OXR1: variants seen among roughly 807,000 people sequenced by gnomAD.
OXR1 encodes oxidation resistance protein 1.
OXR1 carries 41 observed loss-of-function variants against 104.6 expected under a neutral mutation model. The observed-to-expected ratio is 0.39, with a 90% CI of 0.31 to 0.51. The LOEUF (loss-of-function observed/expected upper bound fraction) is 0.51, where lower values mean the gene tolerates loss of function less well. Among genes scored for constraint, OXR1 ranks in the 20% least tolerant of loss-of-function variants. The pLI is 0.77. For missense variants in OXR1, 955 were observed against 1,031.9 expected, an observed-to-expected ratio of 0.93 and a Z score of 1.02; for synonymous variants, 348 against 348.4, an observed-to-expected ratio of 1.00 and a Z score of 0.01.
chr8:106,626,336 A>G (rs915984246), intron 3 of OXR1, among the ~76,000 whole-genome samples: 10 of 148,528 alleles, frequency 6.7e-5, no homozygotes, highest in Non-Finnish European at 1.3e-4. Flanking sequence ...TCATTTTCTA[A>G]AAAAAAAAAG....
In OXR1 at chr8:106,646,276, T is replaced by G. The variant is rs143031935; in HGVS notation, c.221-32934T>G. 3.9e-5 allele frequency among the ~76,000 whole-genome samples: 6 copies of G among 152,030 alleles called. No homozygotes were observed. The East Asian group carries it at 1.2e-3, about 29-fold the overall frequency. ...GCACACCACCAAGCCTGACTAATTT[T>G]TGTAATTTTTAGTAGAGATTGGTTT... On this transcript the variant is annotated intron_variant, in intron 3 of 16. Coordinates refer to ENST00000517566, the MANE Select transcript of OXR1 (RefSeq NM_001198533.2).
intron 3 of OXR1, among the ~76,000 whole-genome samples, chr8:106,564,081 G>A (rs1816891594): frequency 1.3e-5 from 2 of 152,034 alleles, no homozygotes; most frequent in Non-Finnish European, 2.9e-5. Context: ...TAAAAAACTA[G>A]AGAAGCAAGA....
chr8:106,496,320 G>T (rs563602921), intron 2 of OXR1, among the ~76,000 whole-genome samples: 33 of 152,228 alleles, frequency 2.2e-4, no homozygotes, highest in African/African-American at 7.7e-4. Context: ...AGCTCTCCAG[G>T]TGATTCTGAT....
At chr8:106,507,668 T>C (rs16874801) in intron 2 of OXR1, among the ~76,000 whole-genome samples, 3,549 of 152,104 alleles carry the variant, frequency 0.023, 138 homozygotes, top group African/African-American at 0.08. Flanking sequence ...GAAACAGACT[T>C]GAAGTGATGT....
intron 1 of OXR1, among the ~76,000 whole-genome samples, chr8:106,278,615 T>C (rs7822653): frequency 6.6e-6 from 1 of 152,198 alleles, no homozygotes; most frequent in South Asian, 2.1e-4. Flanking sequence ...CTTACTTTTT[T>C]AATTAACATA....
intron 15 of OXR1, among the ~76,000 whole-genome samples, chr8:106,742,701 G>A (rs777952253): frequency 6.6e-6 from 1 of 152,106 alleles, no homozygotes; most frequent in Non-Finnish European, 1.5e-5. Flanking sequence ...ATAGGGAAAG[G>A]ATTCCCTATT....
At chr8:106,554,610 CATT>C (rs1816122106) in intron 3 of OXR1, among the ~76,000 whole-genome samples, 1 of 152,096 alleles carries the variant, frequency 6.6e-6, no homozygotes, top group Admixed American at 6.6e-5. Context: ...CTCTTAATGC[CATT>C]ATTGCAACTT....
intron 9 of OXR1, among the ~76,000 whole-genome samples, chr8:106,708,192 G>A (rs1831333091): frequency 2.0e-5 from 3 of 151,982 alleles, no homozygotes; most frequent in Admixed American, 2.0e-4. Context: ...AGGAGTTGGA[G>A]AACAGCTTGG....
intron 2 of OXR1, among the ~76,000 whole-genome samples, chr8:106,450,475 GA>G (rs923315342): frequency 3.3e-4 from 51 of 152,282 alleles, no homozygotes; most frequent in African/African-American, 1.2e-3. Flanking sequence ...ATTATGGTTT[GA>G]AAAGGAAAAG....
In OXR1 at chr8:106,684,342, G is replaced by A. The variant is rs1288012369; in HGVS notation, c.508G>A (p.Glu170Lys). ...TCTGTCACCAACATCATCTGAGGCT[G>A]AATTTGATAAGACCACTGTAAGTAT... ...SPLSPTSSEA[E>K]FDKTTNPDVH... Residue 170 changes from glutamate to lysine, a missense_variant, in exon 6 of 17, where the codon GAA becomes AAA. Coordinates refer to ENST00000517566, the MANE Select transcript of OXR1 (RefSeq NM_001198533.2). 1 of 1,576,872 alleles carries A rather than the reference G, an allele frequency of 6.3e-7. No individual in the cohort carries two copies. The highest frequency in any genetic ancestry group is 8.7e-7 in the Non-Finnish European group (1 of 1,146,388).
At chr8:106,387,669 A>G (rs1182687214) in intron 2 of OXR1, among the ~76,000 whole-genome samples, 4 of 152,248 alleles carry the variant, frequency 2.6e-5, no homozygotes, top group African/African-American at 9.6e-5. Context: ...TACAAAAAGT[A>G]TTTTAAGTCT....
At chr8:106,315,040 T>C (rs976618685) in intron 1 of OXR1, among the ~76,000 whole-genome samples, 3 of 134,732 alleles carry the variant, frequency 2.2e-5, no homozygotes, top group Non-Finnish European at 4.6e-5. Flanking sequence ...AGAGGTTTAG[T>C]TTTTTTTTTG....
intron 2 of OXR1, among the ~76,000 whole-genome samples, chr8:106,440,587 A>AC (rs1476319315): frequency 3.9e-5 from 6 of 152,110 alleles, no homozygotes; most frequent in African/African-American, 9.7e-5. Context: ...CTAGGCATGC[A>AC]TCTAAAACAT....
intron 10 of OXR1, among the ~76,000 whole-genome samples, chr8:106,712,810 A>T (rs1831834586): frequency 6.6e-6 from 1 of 152,078 alleles, no homozygotes; most frequent in Non-Finnish European, 1.5e-5. Context: ...TGATGTTGAA[A>T]TCACTACAAT....
Position 106,499,055 on chromosome 8 carries a change from G to A in OXR1, c.24-19888G>A, listed in dbSNP as rs866945673. On this transcript the variant is annotated intron_variant, in intron 2 of 16. Transcript: ENST00000517566. ...CGGGCGCCTGTAGTCCCAGCTACTC[G>A]GGAGGCTGAGGCAGGAGAATGGCGT... Among the ~76,000 whole-genome samples the A allele has an allele frequency of 9.7e-4, 64 of 65,926 alleles. 16 individuals are homozygous for A. The South Asian group carries it at 0.016, about 16-fold the overall frequency. The allele number at this position is 65,926 out of a possible 152,430, so 43.3% of individuals were successfully genotyped here. A position where few individuals can be genotyped will look rare whatever the true frequency, so the allele number is the denominator to read the frequency against.
At chr8:106,520,020 T>A (rs1446094847) in intron 3 of OXR1, among the ~76,000 whole-genome samples, 1 of 151,694 alleles carries the variant, frequency 6.6e-6, no homozygotes, top group Admixed American at 6.6e-5. Context: ...CCAAAAAGAG[T>A]GTGGCTGCTT....
At chr8:106,392,365 C>T (rs966817652) in intron 2 of OXR1, among the ~76,000 whole-genome samples, 4 of 152,072 alleles carry the variant, frequency 2.6e-5, no homozygotes, top group African/African-American at 7.2e-5. Flanking sequence ...ATTTGAGCTG[C>T]CTTTAACACA....
chr8:106,304,099 A>AT (rs1296440479), intron 1 of OXR1, among the ~76,000 whole-genome samples: 2 of 152,104 alleles, frequency 1.3e-5, no homozygotes, highest in Non-Finnish European at 1.5e-5. Context: ...ATCCTCTCTA[A>AT]TTTAGTTTGT....
rs1179563948 is a variant in OXR1 at position 106,489,124 on chromosome 8, T to G, written c.24-29819T>G. 4.0e-5 allele frequency among the ~76,000 whole-genome samples: 6 copies of G among 150,316 alleles called. No homozygotes were observed. The Admixed American group carries it at 4.0e-4, about 10-fold the overall frequency. ...TTGAGCAGTGGTTTGTAGTTCTCCT[T>G]GAAGAGGTCCTTCACATCCCTTGTA... On this transcript the variant is annotated intron_variant, in intron 2 of 16. Transcript: ENST00000517566.
Sources: gnomAD v4.1 joint callset for allele counts (sites outside exome capture counted in the v4.1 genomes callset) on GRCh38, gnomAD v4.1.1 for gene constraint, MANE v1.5 for transcripts, NCBI Gene and HGNC (gene_info 2026-07-23, HGNC 2026-07-21) for gene names.